Variants in LTBP1 observed in about 807,000 individuals in gnomAD.
LTBP1 encodes latent transforming growth factor beta binding protein 1, also known as latent-transforming growth factor beta-binding protein 1.
LTBP1 carries 129 observed loss-of-function variants against 207.6 expected under a neutral mutation model. The ratio of observed to expected loss-of-function variants is 0.62; its 90% confidence interval spans 0.54 to 0.72. The LOEUF (loss-of-function observed/expected upper bound fraction) is 0.72. Ranked by LOEUF, LTBP1 falls within the 30% of genes least tolerant of loss-of-function variation. The probability of loss-of-function intolerance (pLI) is 0.00; values close to 1 mark genes in which losing one functional copy is unlikely to be tolerated. For synonymous variants in LTBP1, 963 were observed against 833.7 expected (o/e 1.16, Z -2.67); for missense variants, 2,281 against 2,217.2 (o/e 1.03, Z -0.58).
chr2:32,960,435 G>T (rs867008653), intron 2 of LTBP1, among the ~76,000 whole-genome samples: 1,542 of 146,396 alleles, frequency 0.011, 33 homozygotes, highest in African/African-American at 0.037. Context: ...ATGAATGAAT[G>T]GATTGATTTG....
At chr2:33,289,440 G>T (rs774731928) in intron 19 of LTBP1, among the ~76,000 whole-genome samples, 2 of 152,102 alleles carry the variant, frequency 1.3e-5, no homozygotes, top group Admixed American at 6.6e-5. Context: ...GCTCACTGCA[G>T]TCTCTAACTC....
chr2:33,176,278 G>A (rs1424094376), intron 5 of LTBP1, among the ~76,000 whole-genome samples: 2 of 152,054 alleles, frequency 1.3e-5, no homozygotes, highest in East Asian at 3.9e-4. Flanking sequence ...GCAGGCTGGA[G>A]TGCAGTGGTG....
At chr2:33,000,856 GA>G (rs1184101505) in intron 2 of LTBP1, among the ~76,000 whole-genome samples, 1 of 134,592 alleles carries the variant, frequency 7.4e-6, no homozygotes, top group Non-Finnish European at 1.6e-5. Context: ...TTGTTGACAG[GA>G]GGGGGGGTTC....
intron 6 of LTBP1, 105 bp downstream of exon 6, chr2:33,187,185 A>G: frequency 1.1e-6 from 1 of 899,454 alleles, no homozygotes; most frequent in Non-Finnish European, 1.7e-6. Flanking sequence ...TGAAACAGAA[A>G]GGAGTACATG....
chr2:33,012,666 G>A (rs1038660191), intron 2 of LTBP1, among the ~76,000 whole-genome samples: 1 of 152,156 alleles, frequency 6.6e-6, no homozygotes, highest in Non-Finnish European at 1.5e-5. Context: ...CACAATGCAG[G>A]CATTTAAGAG....
In LTBP1 at chr2:33,068,042, C is replaced by A. The variant is rs555908147; in HGVS notation, c.864-42540C>A. ...TATGCTTAAATAAAATCATATGCTC[C>A]TGGATAACAGTATTTTTTCCATACA... On this transcript the variant is annotated intron_variant, in intron 3 of 33. Coordinates refer to ENST00000404816, the MANE Select transcript of LTBP1 (RefSeq NM_206943.4). 2.6e-5 allele frequency among the ~76,000 whole-genome samples: 4 copies of A among 151,946 alleles called. No homozygotes were observed. In the South Asian group the frequency reaches 8.3e-4, roughly 32 times the overall value.
At chr2:33,392,047 G>T (rs779398721) in intron 32 of LTBP1, among the ~76,000 whole-genome samples, 12 of 152,180 alleles carry the variant, frequency 7.9e-5, no homozygotes, top group Non-Finnish European at 1.6e-4. Flanking sequence ...TAACATAGAC[G>T]GAGGCTGAGT....
chr2:33,260,606 C>T (rs1318309955), intron 13 of LTBP1, among the ~76,000 whole-genome samples: 1 of 152,210 alleles, frequency 6.6e-6, no homozygotes, highest in South Asian at 2.1e-4. Flanking sequence ...AAGAGACTTA[C>T]AATTTTGGAG....
intron 3 of LTBP1, among the ~76,000 whole-genome samples, chr2:33,055,426 A>C (rs1373530262): frequency 1.3e-5 from 2 of 152,178 alleles, no homozygotes; most frequent in Non-Finnish European, 2.9e-5. Context: ...TCCTTCTAGA[A>C]CACAGGTCAA....
At chr2:33,051,638 G>C (rs964200261) in intron 3 of LTBP1, among the ~76,000 whole-genome samples, 5 of 152,170 alleles carry the variant, frequency 3.3e-5, no homozygotes, top group African/African-American at 1.2e-4. Context: ...TGATGGCTCA[G>C]TTGCCCTTGA....
intron 3 of LTBP1, among the ~76,000 whole-genome samples, chr2:33,067,946 G>A (rs1572474144): frequency 6.6e-6 from 1 of 152,234 alleles, no homozygotes; most frequent in African/African-American, 2.4e-5. Context: ...CTGAAATGTA[G>A]CAACATACCA....
chr2:33,383,420 C>G (rs893739539), intron 31 of LTBP1, among the ~76,000 whole-genome samples: 2 of 152,208 alleles, frequency 1.3e-5, no homozygotes, highest in African/African-American at 4.8e-5. Flanking sequence ...TCATTTCATT[C>G]TCTTTATCTC....
chr2:33,215,041 C>A (rs533259474), intron 7 of LTBP1, among the ~76,000 whole-genome samples: 1 of 151,926 alleles, frequency 6.6e-6, no homozygotes. Context: ...TTGACAGGAC[C>A]GTTTACAATC....
intron 19 of LTBP1, among the ~76,000 whole-genome samples, chr2:33,292,515 A>G (rs760205573): frequency 2.0e-5 from 3 of 152,228 alleles, no homozygotes; most frequent in Non-Finnish European, 2.9e-5. Flanking sequence ...GAGATGATGT[A>G]TGTAAAGCTT....
intron 25 of LTBP1, 91 bp from the exon 26 acceptor site, chr2:33,347,276 C>T (rs2149763221): frequency 1.4e-6 from 2 of 1,473,386 alleles, no homozygotes; most frequent in East Asian, 2.3e-5. Context: ...TTCTTTTCAG[C>T]AAGACACTAT....
chr2:33,258,292 G>A (rs1453881895), intron 12 of LTBP1, among the ~76,000 whole-genome samples: 1 of 152,184 alleles, frequency 6.6e-6, no homozygotes, highest in Non-Finnish European at 1.5e-5. Context: ...GGATTTGTAT[G>A]GAATAGACGT....
At chr2:33,070,954 T>C (rs1256886170) in intron 3 of LTBP1, among the ~76,000 whole-genome samples, 2 of 152,218 alleles carry the variant, frequency 1.3e-5, no homozygotes, top group Non-Finnish European at 2.9e-5. Context: ...AGTGATTCTC[T>C]AAAGCAGTGG....
chr2:33,130,159 G>A (rs769850117), intron 4 of LTBP1, among the ~76,000 whole-genome samples: 12 of 152,124 alleles, frequency 7.9e-5, no homozygotes, highest in Non-Finnish European at 1.6e-4. Context: ...GGTAAGCGAT[G>A]GACTGCAAGT....
intron 2 of LTBP1, among the ~76,000 whole-genome samples, chr2:32,985,039 A>G (rs1466421559): frequency 6.6e-6 from 1 of 152,250 alleles, no homozygotes; most frequent in Non-Finnish European, 1.5e-5. Flanking sequence ...AGAAAGTGCT[A>G]TGTAGATATT....
Sources: gnomAD v4.1 joint callset for allele counts (sites outside exome capture counted in the v4.1 genomes callset) on GRCh38, gnomAD v4.1.1 for gene constraint, MANE v1.5 for transcripts, NCBI Gene and HGNC (gene_info 2026-07-23, HGNC 2026-07-21) for gene names.